Variants in DCDC1 observed in about 807,000 individuals in gnomAD.
DCDC1 encodes the protein doublecortin domain containing 1, also known as doublecortin domain-containing protein 1.
A neutral mutation model predicts 178.3 loss-of-function variants in DCDC1; 200 were observed. That is an observed-to-expected ratio of 1.12 (90% CI 1.00 to 1.26). DCDC1 has a LOEUF of 1.26. Among genes scored for constraint, DCDC1 ranks in the 50% most tolerant of loss-of-function variants. The probability of loss-of-function intolerance (pLI) is 0.00; values close to 1 mark genes in which losing one functional copy is unlikely to be tolerated. For synonymous variants in DCDC1, 690 were observed against 604.8 expected (o/e 1.14, Z -2.07); for missense variants, 1,983 against 1,749.2 (o/e 1.13, Z -2.38).
intron 1 of DCDC1, among the ~76,000 whole-genome samples, chr11:31,341,812 TACACACACAC>T (rs34730979): frequency 4.2e-5 from 6 of 144,468 alleles, no homozygotes; most frequent in South Asian, 4.5e-4. Flanking sequence ...TGCATGACTA[TACACACACAC>T]ACACACACAC....
At chr11:30,958,834 G>T in intron 20 of DCDC1, among the ~76,000 whole-genome samples, 1 of 152,030 alleles carries the variant, frequency 6.6e-6, no homozygotes, top group South Asian at 2.1e-4. Flanking sequence ...GGGAGTGATT[G>T]GAGAATTGAT....
At chr11:31,139,151 C>T (rs912862963) in intron 9 of DCDC1, among the ~76,000 whole-genome samples, 3 of 151,872 alleles carry the variant, frequency 2.0e-5, no homozygotes, top group African/African-American at 7.3e-5. Flanking sequence ...ATATCTATTT[C>T]ATGCTACAAT....
intron 11 of DCDC1, among the ~76,000 whole-genome samples, chr11:31,123,075 C>CA (rs553868384): frequency 2.8e-3 from 413 of 150,054 alleles, no homozygotes; most frequent in Middle Eastern, 0.017. Flanking sequence ...ACTGTATTTA[C>CA]AAAAAAAAAC....
At chr11:31,041,754 AGAATTTGTACCCTCATAGTCT>A (rs991442593) in intron 20 of DCDC1, among the ~76,000 whole-genome samples, 2 of 152,218 alleles carry the variant, frequency 1.3e-5, no homozygotes, top group African/African-American at 4.8e-5. Context: ...TGTCAAGGGT[AGAATTTGTACCCTCATAGTCT>A]GATTCCAGTC....
intron 9 of DCDC1, among the ~76,000 whole-genome samples, chr11:31,219,830 T>G (rs1001651120): frequency 2.6e-5 from 4 of 152,128 alleles, no homozygotes; most frequent in Non-Finnish European, 4.4e-5. Flanking sequence ...TTTTAAGTGT[T>G]TACAGGTATA....
intron 20 of DCDC1, among the ~76,000 whole-genome samples, chr11:31,007,632 T>C (rs548284785): frequency 9.3e-4 from 142 of 152,246 alleles, no homozygotes; most frequent in Admixed American, 2.1e-3. Flanking sequence ...CTTGGGATCA[T>C]GGAAGAACTT....
intron 9 of DCDC1, among the ~76,000 whole-genome samples, chr11:31,229,196 G>A (rs1429308040): frequency 2.0e-5 from 3 of 151,956 alleles, no homozygotes; most frequent in African/African-American, 7.2e-5. Flanking sequence ...TAATAGAGGT[G>A]GCAAACAAAC....
intron 20 of DCDC1, among the ~76,000 whole-genome samples, chr11:31,007,064 T>C (rs895390029): frequency 2.6e-5 from 4 of 152,206 alleles, no homozygotes; most frequent in African/African-American, 9.6e-5. Context: ...TCCTCATGGG[T>C]AACTCAGTAA....
At position 31,131,010 on chromosome 11, in the gene DCDC1, G is replaced by A. The variant is rs1364428240; in HGVS notation, c.1315-3371C>T. Among the ~76,000 whole-genome samples the A allele has an allele frequency of 4.8e-5, 4 of 82,654 alleles. 1 individual carries two copies. The highest frequency in any genetic ancestry group is 2.3e-4 in the Admixed American group (2 of 8,652). The allele number at this position is 82,654 out of a possible 152,430, so 54.2% of individuals were successfully genotyped here. On this transcript the variant is annotated intron_variant, in intron 10 of 38. Transcript: ENST00000684477. ...ATCCTGGCTAACAAGGTGAAACCCC[G>A]TCTCTACTAAAAATACAAAAAATTA...
At chr11:31,292,292 C>G (rs1191196240) in intron 6 of DCDC1, among the ~76,000 whole-genome samples, 5 of 152,028 alleles carry the variant, frequency 3.3e-5, no homozygotes, top group Non-Finnish European at 1.5e-5. Context: ...AAAACAGATA[C>G]TCAAGTAAGT....
chr11:31,277,093 C>T (rs1946049268), intron 7 of DCDC1, among the ~76,000 whole-genome samples: 1 of 151,900 alleles, frequency 6.6e-6, no homozygotes, highest in South Asian at 2.1e-4. Context: ...TAGAATATTC[C>T]CACCACCTTC....
At chr11:31,016,120 A>G (rs1284607423) in intron 20 of DCDC1, among the ~76,000 whole-genome samples, 1 of 152,212 alleles carries the variant, frequency 6.6e-6, no homozygotes, top group Non-Finnish European at 1.5e-5. Context: ...TCTAGTTTCT[A>G]TGAGCCTCTG....
intron 31 of DCDC1, 99 bp downstream of exon 31, chr11:30,904,862 G>C: frequency 7.2e-7 from 1 of 1,383,248 alleles, no homozygotes; most frequent in Non-Finnish European, 1.0e-6. Context: ...ATCTGGCCAG[G>C]GACATTTATC....
intron 9 of DCDC1, among the ~76,000 whole-genome samples, chr11:31,138,562 T>TA (rs1173975524): frequency 2.0e-5 from 3 of 152,252 alleles, no homozygotes; most frequent in African/African-American, 4.8e-5. Context: ...CCCTCTGAAT[T>TA]GGAATATTTA....
intron 20 of DCDC1, among the ~76,000 whole-genome samples, chr11:30,969,422 G>A (rs1949654729): frequency 6.6e-6 from 1 of 152,148 alleles, no homozygotes; most frequent in African/African-American, 2.4e-5. Flanking sequence ...GGCAAGGAAT[G>A]TATTGTTCCC....
At chr11:31,233,277 A>G (rs1280649238) in intron 9 of DCDC1, among the ~76,000 whole-genome samples, 2 of 152,138 alleles carry the variant, frequency 1.3e-5, no homozygotes, top group South Asian at 2.1e-4. Context: ...TAGAATCTGT[A>G]TCACATATTT....
chr11:31,181,625 C>T (rs1272367717), intron 9 of DCDC1, among the ~76,000 whole-genome samples: 1 of 152,096 alleles, frequency 6.6e-6, no homozygotes, highest in Non-Finnish European at 1.5e-5. Context: ...AGCAGAGGGG[C>T]CTGACTGGTA....
At chr11:30,960,937 G>T (rs975694401) in intron 20 of DCDC1, among the ~76,000 whole-genome samples, 2 of 152,018 alleles carry the variant, frequency 1.3e-5, no homozygotes, top group African/African-American at 2.4e-5. Context: ...TATGAACAAA[G>T]TTGCAATTTC....
intron 7 of DCDC1, among the ~76,000 whole-genome samples, chr11:31,281,851 T>C (rs962438688): frequency 1.3e-5 from 2 of 152,156 alleles, no homozygotes; most frequent in African/African-American, 4.8e-5. Flanking sequence ...CATGTGAAAC[T>C]GTAAGTCCAA....
Sources: gnomAD v4.1 joint callset for allele counts (sites outside exome capture counted in the v4.1 genomes callset) on GRCh38, gnomAD v4.1.1 for gene constraint, MANE v1.5 for transcripts, NCBI Gene and HGNC (gene_info 2026-07-23, HGNC 2026-07-21) for gene names.